The following ERC2 variants were observed in gnomAD, a reference collection of about 807,000 sequenced individuals.
ERC2 encodes the protein ELKS/RAB6-interacting/CAST family member 2.
Under a neutral mutation model 114.8 loss-of-function variants are expected in ERC2, and 42 were observed. The observed-to-expected ratio is 0.37, with a 90% CI of 0.29 to 0.47. ERC2 has a LOEUF of 0.47. ERC2 is among the 20% of genes least tolerant of loss of function. The pLI is 0.99. For missense variants in ERC2, 939 were observed against 1,150.7 expected, an observed-to-expected ratio of 0.82 and a Z score of 2.66; for synonymous variants, 454 against 425.5, an observed-to-expected ratio of 1.07 and a Z score of -0.82.
At chr3:55,840,424 G>T (rs780669354) in intron 14 of ERC2, among the ~76,000 whole-genome samples, 13 of 151,650 alleles carry the variant, frequency 8.6e-5, no homozygotes, top group Admixed American at 2.0e-4. Flanking sequence ...ACCACAATTA[G>T]ATACTTCAAA....
intron 10 of ERC2, among the ~76,000 whole-genome samples, chr3:56,001,364 T>G (rs2072042723): frequency 6.7e-6 from 1 of 148,622 alleles, no homozygotes; most frequent in Admixed American, 6.6e-5. Context: ...ACATAGTCAT[T>G]TTTAAAAGAC....
At chr3:55,958,386 T>C (rs950457966) in intron 12 of ERC2, among the ~76,000 whole-genome samples, 4 of 152,154 alleles carry the variant, frequency 2.6e-5, no homozygotes, top group Middle Eastern at 3.2e-3. Context: ...TGGGTGGCCA[T>C]GGGCAGGCCC....
intron 3 of ERC2, among the ~76,000 whole-genome samples, chr3:56,192,823 C>A (rs923332706): frequency 1.3e-5 from 2 of 152,148 alleles, no homozygotes; most frequent in African/African-American, 4.8e-5. Flanking sequence ...AACTGAAGAT[C>A]TTTAGATACT....
intron 17 of ERC2, among the ~76,000 whole-genome samples, chr3:55,571,451 C>T (rs897886334): frequency 6.6e-6 from 1 of 152,204 alleles, no homozygotes; most frequent in South Asian, 2.1e-4. Context: ...GGGTCTCACA[C>T]TCCAGACCAT....
intron 3 of ERC2, among the ~76,000 whole-genome samples, chr3:56,176,723 A>T (rs2082998371): frequency 6.6e-6 from 1 of 152,054 alleles, no homozygotes; most frequent in Non-Finnish European, 1.5e-5. Flanking sequence ...CCCATCTCAA[A>T]CACTTCACCT....
chr3:56,065,564 TGTGCAGAAC>T (rs1353219846), intron 7 of ERC2, among the ~76,000 whole-genome samples: 2 of 152,182 alleles, frequency 1.3e-5, no homozygotes, highest in Non-Finnish European at 2.9e-5. Flanking sequence ...CCAGGATACA[TGTGCAGAAC>T]GTGCAGGTTT....
At position 55,575,252 on chromosome 3, in the gene ERC2, A is replaced by G. The variant is rs148676208; in HGVS notation, c.*40-63976T>C. ...AGGCTGGTCTCGAACTCCTGACCTC[A>G]AGTGATCTGCTCACCCTGCACTCCC... On this transcript the variant is annotated intron_variant, in intron 17 of 17. Coordinates refer to ENST00000288221, the MANE Select transcript of ERC2 (RefSeq NM_015576.3). 4.7e-3 allele frequency among the ~76,000 whole-genome samples: 722 copies of G among 152,226 alleles called. 4 individuals are homozygous for G. The highest frequency in any genetic ancestry group is 0.016 in the African/African-American group (662 of 41,540).
intron 6 of ERC2, among the ~76,000 whole-genome samples, chr3:56,107,156 G>C (rs1305274471): frequency 6.6e-6 from 1 of 152,052 alleles, no homozygotes; most frequent in Non-Finnish European, 1.5e-5. Context: ...TATTGAAGGG[G>C]GAAATGAAAG....
chr3:56,350,450 C>T (rs1041100836), intron 2 of ERC2, among the ~76,000 whole-genome samples: 6 of 152,176 alleles, frequency 3.9e-5, no homozygotes, highest in African/African-American at 1.4e-4. Context: ...TTGACTCTTA[C>T]TTGACACAAA....
chr3:56,381,357 C>G (rs958941317), intron 2 of ERC2, among the ~76,000 whole-genome samples: 58 of 152,178 alleles, frequency 3.8e-4, no homozygotes, highest in East Asian at 1.9e-4. Flanking sequence ...ACAAAATTCA[C>G]GCACACTCAG....
chr3:55,888,916 A>C (rs2063483943), intron 13 of ERC2, among the ~76,000 whole-genome samples: 1 of 152,202 alleles, frequency 6.6e-6, no homozygotes, highest in Non-Finnish European at 1.5e-5. Flanking sequence ...ATGGAAAGAA[A>C]AAATTAAAAC....
intron 7 of ERC2, among the ~76,000 whole-genome samples, chr3:56,042,784 T>A (rs1576680367): frequency 6.6e-6 from 1 of 152,172 alleles, no homozygotes; most frequent in Non-Finnish European, 1.5e-5. Context: ...CATTTTCTCT[T>A]AAAACTAATT....
At chr3:55,546,714 C>A (rs1419585819) in intron 17 of ERC2, among the ~76,000 whole-genome samples, 1 of 152,224 alleles carries the variant, frequency 6.6e-6, no homozygotes, top group Non-Finnish European at 1.5e-5. Context: ...GGGTAGGGAA[C>A]TGTCTATGCA....
intron 2 of ERC2, among the ~76,000 whole-genome samples, chr3:56,385,143 A>G (rs2059889820): frequency 6.6e-6 from 1 of 152,200 alleles, no homozygotes; most frequent in East Asian, 1.9e-4. Context: ...ACCATAAACT[A>G]GGTAGATTAT....
At chr3:56,246,454 A>G (rs1297750488) in intron 3 of ERC2, among the ~76,000 whole-genome samples, 1 of 152,144 alleles carries the variant, frequency 6.6e-6, no homozygotes, top group Non-Finnish European at 1.5e-5. Flanking sequence ...CCACTGTTCT[A>G]AACTTTTTAG....
At chr3:55,797,760 T>C (rs1400888151) in intron 14 of ERC2, among the ~76,000 whole-genome samples, 3 of 152,214 alleles carry the variant, frequency 2.0e-5, no homozygotes, top group Non-Finnish European at 4.4e-5. Flanking sequence ...GTATTGCATA[T>C]TGAAATTTTG....
chr3:55,589,061 C>G (rs1415917719), intron 17 of ERC2, among the ~76,000 whole-genome samples: 4 of 151,946 alleles, frequency 2.6e-5, no homozygotes, highest in South Asian at 2.1e-4. Context: ...AAGTGACTAA[C>G]TTGAGACTCA....
intron 17 of ERC2, among the ~76,000 whole-genome samples, chr3:55,592,302 G>A (rs2649861): frequency 0.44 from 66,949 of 152,082 alleles, 15,009 homozygotes; most frequent in East Asian, 0.68. Flanking sequence ...GTACCTGATC[G>A]GTAAGCTTCT....
intron 1 of ERC2, among the ~76,000 whole-genome samples, chr3:56,439,040 C>G (rs1393386828): frequency 2.6e-5 from 4 of 152,152 alleles, no homozygotes; most frequent in Admixed American, 2.6e-4. Context: ...CAGATGTATG[C>G]TAGTATCATA....
Sources: allele counts gnomAD v4.1 joint callset (sites outside exome capture counted in the v4.1 genomes callset), GRCh38; gene constraint gnomAD v4.1.1; transcripts MANE v1.5; gene names NCBI Gene and HGNC (gene_info 2026-07-23, HGNC 2026-07-21).